BNIP2: variants seen among roughly 807,000 people sequenced by gnomAD.
The protein encoded by BNIP2 is BCL2/adenovirus E1B 19 kDa protein-interacting protein 2.
BNIP2 carries 36 observed loss-of-function variants against 43.4 expected under a neutral mutation model. That is an observed-to-expected ratio of 0.83 (90% confidence interval 0.64 to 1.10). The LOEUF is 1.10. BNIP2 is among the 50% of genes least tolerant of loss of function. The probability of loss-of-function intolerance (pLI) is 0.00; values close to 1 mark genes in which losing one functional copy is unlikely to be tolerated. For missense variants in BNIP2, 417 were observed against 374.1 expected, an observed-to-expected ratio of 1.11 and a Z score of -0.95; for synonymous variants, 146 against 121.0, an observed-to-expected ratio of 1.21 and a Z score of -1.35.
At chr15:59,678,240 A>G in intron 4 of BNIP2, 153 bp from the exon 5 acceptor site, 1 of 1,379,894 alleles carries the variant, frequency 7.2e-7, no homozygotes. Flanking sequence ...GAAAAGGCTT[A>G]TTCTTAACAT....
chr15:59,682,297 A>G, intron 2 of BNIP2, 111 bp downstream of exon 2: 1 of 910,174 alleles, frequency 1.1e-6, no homozygotes, highest in Non-Finnish European at 1.7e-6. Context: ...ACTGCACTCC[A>G]GCCTGGGCAA....
At chr15:59,678,241 T>C (rs1325627307) in intron 4 of BNIP2, 154 bp from the exon 5 acceptor site, 1 of 1,380,514 alleles carries the variant, frequency 7.2e-7, no homozygotes, top group Non-Finnish European at 9.3e-7. Flanking sequence ...AAAAGGCTTA[T>C]TCTTAACATG....
At chr15:59,677,247 G>C in intron 5 of BNIP2, 1 of 1,595,826 alleles carries the variant, frequency 6.3e-7, no homozygotes, top group Non-Finnish European at 8.6e-7. Flanking sequence ...GCCCCGGCTG[G>C]ACTGCTTGAC....
At chr15:59,683,939 A>G (rs1323920560) in intron 1 of BNIP2, among the ~76,000 whole-genome samples, 1 of 152,258 alleles carries the variant, frequency 6.6e-6, no homozygotes, top group Non-Finnish European at 1.5e-5. Flanking sequence ...AATAAAATCA[A>G]TTATGTCAGC....
chr15:59,675,120 G>A (rs1470469228), intron 5 of BNIP2, among the ~76,000 whole-genome samples: 3 of 151,838 alleles, frequency 2.0e-5, no homozygotes, highest in Non-Finnish European at 4.4e-5. Context: ...GTGGTGGCGT[G>A]CACCTGTAGT....
Position 59,669,368 on chromosome 15 carries a change from G to A in BNIP2, c.708-6C>T. 1 of 1,462,716 alleles carries A rather than the reference G, an allele frequency of 6.8e-7. No individual in the cohort carries two copies. Among genetic ancestry groups the A allele is most frequent in the Non-Finnish European group, 9.1e-7 (1 of 1,094,744 alleles). 90.6% of individuals were successfully genotyped at this position (1,462,716 alleles called of 1,614,324 possible). A position where few individuals can be genotyped will look rare whatever the true frequency, so the allele number is the denominator to read the frequency against. The stretch of plus-strand genomic sequence containing the variant: ...ATTTTAGATTTTTCCGTAACCTGGA[G>A]TTTAAAAAAAAAACACACACACACA... On this transcript the variant is annotated splice_region_variant and splice_polypyrimidine_tract_variant and intron_variant, in intron 7 of 9. Transcript: ENST00000607373.
chr15:59,680,356 T>A (rs1437107843), intron 2 of BNIP2, 48 bp from the exon 3 acceptor site: 5 of 1,464,628 alleles, frequency 3.4e-6, no homozygotes, highest in Non-Finnish European at 3.7e-6. Flanking sequence ...AGAAAGAATT[T>A]TTTTTTGAAG....
In BNIP2 at chr15:59,663,778, C is replaced by G. The variant is rs1221900767; in HGVS notation, c.*291G>C. 4.2e-6 allele frequency: 1 copy of G among 239,924 alleles called. No homozygotes were observed. The highest frequency in any genetic ancestry group is 7.9e-6 in the Non-Finnish European group (1 of 126,518). 14.9% of individuals were successfully genotyped at this position (239,924 alleles called of 1,614,324 possible). A position where few individuals can be genotyped will look rare whatever the true frequency, so the allele number is the denominator to read the frequency against. ...ATTTCACCGAAGAAGATGCATCATTCAATAAACAAATGCAAAAACTACTTT... is the reference window on the plus strand; with the variant it reads ...ATTTCACCGAAGAAGATGCATCATTGAATAAACAAATGCAAAAACTACTTT... On this transcript the variant is annotated 3_prime_UTR_variant, in exon 10 of 10. Transcript: ENST00000607373.
At chr15:59,668,114 C>G (rs971137678) in intron 9 of BNIP2, 65 of 1,296,606 alleles carry the variant, frequency 5.0e-5, no homozygotes, top group Non-Finnish European at 6.0e-5. Flanking sequence ...TTTTTTGTTT[C>G]TTTTTAAACT....
chr15:59,664,004 T>C lies in BNIP2; in HGVS notation c.*65A>G. On this transcript the variant is annotated 3_prime_UTR_variant, in exon 10 of 10. Transcript: ENST00000607373. Reference sequence around the variant, plus strand: ...AAAATATGGGCCAATAAATGCATTATGAATGCAGAAACAGCACTGCTCCAT... The same window carrying C: ...AAAATATGGGCCAATAAATGCATTACGAATGCAGAAACAGCACTGCTCCAT... 1 of 1,235,928 alleles carries C rather than the reference T, an allele frequency of 8.1e-7. No homozygotes were observed. Among genetic ancestry groups the C allele is most frequent in the South Asian group, 1.5e-5 (1 of 66,504 alleles). The allele number at this position is 1,235,928 out of a possible 1,614,324, so 76.6% of individuals were successfully genotyped here. A position where few individuals can be genotyped will look rare whatever the true frequency, so the allele number is the denominator to read the frequency against.
chr15:59,685,966 G>C (rs1440224184), intron 1 of BNIP2, among the ~76,000 whole-genome samples: 4 of 152,088 alleles, frequency 2.6e-5, no homozygotes, highest in Admixed American at 1.3e-4. Context: ...TTGGAAATTA[G>C]AATGGGAAAT....
At chr15:59,678,763 G>C (rs1566972673) in intron 4 of BNIP2, 2 of 1,294,920 alleles carry the variant, frequency 1.5e-6, no homozygotes, top group African/African-American at 1.5e-5. Flanking sequence ...GATGGGGGGA[G>C]GGGGAAACCT....
Position 59,687,159 on chromosome 15 carries a change from G to A in BNIP2, c.-58+1976C>T, listed in dbSNP as rs118042729. On this transcript the variant is annotated intron_variant, in intron 1 of 9. Coordinates refer to ENST00000607373, the MANE Select transcript of BNIP2 (RefSeq NM_004330.4). ...AAAGTTACATTTATTGTCACTATGC[G>A]GAACACACTTGAAAATGCTGAGATC... Among the ~76,000 whole-genome samples the A allele has an allele frequency of 7.1e-3, 1,085 of 152,174 alleles. 6 individuals carry two copies. Among genetic ancestry groups the A allele is most frequent in the Non-Finnish European group, 0.012 (804 of 67,996 alleles).
chr15:59,678,184 T>C (rs766611007), intron 4 of BNIP2, 97 bp from the exon 5 acceptor site: 3 of 1,436,886 alleles, frequency 2.1e-6, no homozygotes, highest in Non-Finnish European at 2.7e-6. Context: ...CAGAGAATTT[T>C]CATTATACCA....
At chr15:59,686,069 C>A (rs1893995320) in intron 1 of BNIP2, among the ~76,000 whole-genome samples, 1 of 152,162 alleles carries the variant, frequency 6.6e-6, no homozygotes, top group Admixed American at 6.5e-5. Flanking sequence ...GTGGCACATC[C>A]TTATGCCACT....
intron 8 of BNIP2, 31 bp from the exon 9 acceptor site, chr15:59,669,021 A>G (rs759842883): frequency 1.9e-6 from 3 of 1,553,092 alleles, no homozygotes; most frequent in Admixed American, 1.7e-5. Flanking sequence ...AATTACTTCC[A>G]TATTTCTGAC....
intron 5 of BNIP2, among the ~76,000 whole-genome samples, chr15:59,674,530 G>A (rs1345011701): frequency 6.6e-6 from 1 of 152,084 alleles, no homozygotes; most frequent in Non-Finnish European, 1.5e-5. Flanking sequence ...ATCTGAGTAC[G>A]ATTAAATTAG....
At chr15:59,687,352 C>CTT (rs35912734) in intron 1 of BNIP2, among the ~76,000 whole-genome samples, 17 of 137,750 alleles carry the variant, frequency 1.2e-4, no homozygotes, top group East Asian at 2.2e-4. Context: ...TCTTTTCATC[C>CTT]TTTTTTTTTT....
chr15:59,671,773 T>G (rs563603065), intron 6 of BNIP2, among the ~76,000 whole-genome samples: 163 of 152,322 alleles, frequency 1.1e-3, no homozygotes, highest in Middle Eastern at 3.4e-3. Flanking sequence ...CACATGATTT[T>G]GAGACAAAAA....
Sources: allele counts gnomAD v4.1 joint callset (sites outside exome capture counted in the v4.1 genomes callset), GRCh38; gene constraint gnomAD v4.1.1; transcripts MANE v1.5; gene names NCBI Gene and HGNC (gene_info 2026-07-23, HGNC 2026-07-21).